The following MAOB variants were observed in gnomAD, a reference collection of about 807,000 sequenced individuals.
MAOB encodes the protein monoamine oxidase B.
Under a neutral mutation model 41.9 loss-of-function variants are expected in MAOB, and 15 were observed. That is an observed-to-expected ratio of 0.36 (90% CI 0.24 to 0.55). MAOB has a LOEUF of 0.55. Among genes scored for constraint, MAOB ranks in the 20% least tolerant of loss-of-function variants. The probability of loss-of-function intolerance (pLI) is 0.86; values close to 1 mark genes in which losing one functional copy is unlikely to be tolerated. For missense variants in MAOB, 345 were observed against 398.7 expected, an observed-to-expected ratio of 0.87 and a Z score of 1.15; for synonymous variants, 167 against 144.2, an observed-to-expected ratio of 1.16 and a Z score of -1.13.
intron 8 of MAOB, among the ~76,000 whole-genome samples, chrX:43,788,791 A>G (rs2034430694): frequency 1.8e-5 from 2 of 111,497 alleles, no homozygotes; most frequent in Admixed American, 9.6e-5. Flanking sequence ...ATATATTAAC[A>G]TATTTATTTA....
chrX:43,771,873 C>T (rs961847154), intron 12 of MAOB, among the ~76,000 whole-genome samples: 14 of 111,581 alleles, frequency 1.3e-4, no homozygotes, highest in African/African-American at 4.2e-4. Flanking sequence ...AAGAAAAATA[C>T]CTGCCCCTTC....
In MAOB at chrX:43,768,595, T is replaced by G. The variant is rs938147517; in HGVS notation, c.1410+59A>C. 3.0e-6 allele frequency: 3 copies of G among 992,661 alleles called. No individual in the cohort carries two copies. In the African/African-American group the frequency reaches 5.7e-5, roughly 19 times the overall value. The allele number at this position is 992,661 out of a possible 1,213,427, so 81.8% of individuals were successfully genotyped here. On this transcript the variant is annotated intron_variant, in intron 14 of 14. Coordinates refer to ENST00000378069, the MANE Select transcript of MAOB (RefSeq NM_000898.5). Reference sequence around the variant, plus strand: ...GTGAATATATACAAGTGTGCTCTTCTTGAAAATAATGGGTTTAGAGAAAAG... The same window carrying G: ...GTGAATATATACAAGTGTGCTCTTCGTGAAAATAATGGGTTTAGAGAAAAG...
intron 1 of MAOB, among the ~76,000 whole-genome samples, chrX:43,879,304 T>C (rs765778022): frequency 1.8e-5 from 2 of 112,650 alleles, no homozygotes; most frequent in South Asian, 7.4e-4. Context: ...TCTCTGTTTA[T>C]CCCAAAGGGA....
chrX:43,878,387 G>T (rs901138332), intron 1 of MAOB, among the ~76,000 whole-genome samples: 13 of 99,674 alleles, frequency 1.3e-4, no homozygotes, highest in African/African-American at 4.4e-4. Context: ...GACTACAGGT[G>T]CACTCCTCTA....
intron 1 of MAOB, among the ~76,000 whole-genome samples, chrX:43,847,840 T>A (rs1235998653): frequency 8.9e-6 from 1 of 112,175 alleles, no homozygotes; most frequent in Non-Finnish European, 1.9e-5. Flanking sequence ...CACAACCAAA[T>A]GGTAATTTGG....
chrX:43,852,858 T>C (rs1415222067), intron 1 of MAOB, among the ~76,000 whole-genome samples: 2 of 111,250 alleles, frequency 1.8e-5, no homozygotes, highest in Admixed American at 9.6e-5. Context: ...CTTAGAGTGA[T>C]ATCCAAAACA....
intron 7 of MAOB, among the ~76,000 whole-genome samples, chrX:43,794,680 A>G (rs1176442011): frequency 1.8e-5 from 2 of 110,420 alleles, no homozygotes; most frequent in African/African-American, 6.6e-5. Context: ...ATAAGTTTTT[A>G]TAAATCCTCC....
At position 43,854,011 on chromosome X, in the gene MAOB, C is replaced by T. The variant is rs191855244; in HGVS notation, c.47-10247G>A. Among the ~76,000 whole-genome samples, 33 of 112,398 alleles carry T rather than the reference C, an allele frequency of 2.9e-4. No individual in the cohort carries two copies. The East Asian group carries it at 8.1e-3, about 28-fold the overall frequency. ...CTAACTAACTTCATTGTTAATTAAA[C>T]TTATTTGGGCTTATTTGGGGATAAC... is the stretch of plus-strand genomic sequence containing the variant. On this transcript the variant is annotated intron_variant, in intron 1 of 14. Coordinates refer to ENST00000378069, the MANE Select transcript of MAOB (RefSeq NM_000898.5).
chrX:43,818,367 G>T (rs1208561554), intron 3 of MAOB, among the ~76,000 whole-genome samples: 2 of 112,187 alleles, frequency 1.8e-5, no homozygotes, highest in East Asian at 5.6e-4. Flanking sequence ...TGAGGAGAAT[G>T]AGTCTTAGGA....
intron 1 of MAOB, among the ~76,000 whole-genome samples, chrX:43,857,461 T>G (rs1016265103): frequency 2.7e-5 from 3 of 110,323 alleles, no homozygotes; most frequent in Admixed American, 1.9e-4. Flanking sequence ...ATGACAGGCA[T>G]GAGCCACTGC....
intron 3 of MAOB, among the ~76,000 whole-genome samples, chrX:43,820,887 A>T (rs2147151033): frequency 8.9e-6 from 1 of 112,482 alleles, no homozygotes; most frequent in East Asian, 2.8e-4. Context: ...AGTATTGCCA[A>T]CTTTCATGTA....
chrX:43,850,994 G>A (rs1041524463), intron 1 of MAOB, among the ~76,000 whole-genome samples: 1 of 112,019 alleles, frequency 8.9e-6, no homozygotes, highest in Admixed American at 9.4e-5. Context: ...ATCATAATGA[G>A]TCTTGTTTAA....
chrX:43,795,637 G>A, intron 7 of MAOB, 102 bp downstream of exon 7: 1 of 682,256 alleles, frequency 1.5e-6, no homozygotes, highest in Non-Finnish European at 2.2e-6. Context: ...ATCAATCATT[G>A]GCATCAAAGG....
At chrX:43,820,527 T>C (rs2034868265) in intron 3 of MAOB, among the ~76,000 whole-genome samples, 1 of 111,945 alleles carries the variant, frequency 8.9e-6, no homozygotes, top group Non-Finnish European at 1.9e-5. Context: ...AAGGGAACAC[T>C]CAGCTTCACC....
At chrX:43,770,690 A>G in intron 12 of MAOB, among the ~76,000 whole-genome samples, 1 of 111,942 alleles carries the variant, frequency 8.9e-6, no homozygotes, top group Non-Finnish European at 1.9e-5. Flanking sequence ...GTTCAGTGAT[A>G]TGCCAAGAGC....
At chrX:43,852,986 T>C (rs1449100161) in intron 1 of MAOB, among the ~76,000 whole-genome samples, 1 of 111,182 alleles carries the variant, frequency 9.0e-6, no homozygotes, top group Non-Finnish European at 1.9e-5. Context: ...GTGCATTTGG[T>C]ACAGCCAAGT....
At chrX:43,858,608 G>A (rs147350418) in intron 1 of MAOB, among the ~76,000 whole-genome samples, 2,028 of 110,439 alleles carry the variant, frequency 0.018, 43 homozygotes, top group African/African-American at 0.061. Flanking sequence ...GGGTGTGTTA[G>A]GACTCCCTAG....
chrX:43,850,045 A>G (rs916669044), intron 1 of MAOB, among the ~76,000 whole-genome samples: 3 of 111,960 alleles, frequency 2.7e-5, no homozygotes, highest in Non-Finnish European at 5.6e-5. Flanking sequence ...TTCAATCCTT[A>G]ACAATAATGC....
At chrX:43,812,675 ATAAT>A (rs2034763443) in intron 3 of MAOB, among the ~76,000 whole-genome samples, 1 of 112,492 alleles carries the variant, frequency 8.9e-6, no homozygotes, top group Non-Finnish European at 1.9e-5. Flanking sequence ...TTTTGATCAG[ATAAT>A]TATTAGATTT....
Sources: allele counts gnomAD v4.1 joint callset (sites outside exome capture counted in the v4.1 genomes callset), GRCh38; gene constraint gnomAD v4.1.1; transcripts MANE v1.5; gene names NCBI Gene and HGNC (gene_info 2026-07-23, HGNC 2026-07-21).